The following ZNF490 variants were observed in gnomAD, a reference collection of about 807,000 sequenced individuals.
ZNF490 encodes the protein zinc finger protein 490.
A neutral mutation model predicts 17.7 loss-of-function variants in ZNF490; 11 were observed. The ratio of observed to expected loss-of-function variants is 0.62; its 90% CI spans 0.39 to 1.03. ZNF490 has a LOEUF of 1.03. Ranked by LOEUF, ZNF490 falls within the 50% of genes least tolerant of loss-of-function variation. ZNF490 has a pLI of 0.00. For synonymous variants in ZNF490, 222 were observed against 216.1 expected, an observed-to-expected ratio of 1.03 and a Z score of -0.24; for missense variants, 542 against 643.4, an observed-to-expected ratio of 0.84 and a Z score of 1.71.
intron 2 of ZNF490, among the ~76,000 whole-genome samples, chr19:12,590,250 G>T (rs1318115874): frequency 6.7e-6 from 1 of 148,860 alleles, no homozygotes; most frequent in Non-Finnish European, 1.5e-5. Flanking sequence ...GTTTCGCTCT[G>T]TTGCCCAGGC....
chr19:12,583,479 A>G lies in ZNF490; in HGVS notation c.240T>C (p.Asn80=), dbSNP rs137991417. Reference sequence around the variant, plus strand: ...TTGCCCGCATCACATCTCTGTAGATATTCCTCTGGCCAGGATCCAGCAAAG... The same window carrying G: ...TTGCCCGCATCACATCTCTGTAGATGTTCCTCTGGCCAGGATCCAGCAAAG... ...EWALLDPGQR[N]IYRDVMRATF... is the part of the protein sequence containing the mutation. The change falls in exon 3 of 5, where the codon AAT becomes AAC. Residue 80 remains asparagine, a synonymous_variant. Coordinates refer to ENST00000311437, the MANE Select transcript of ZNF490 (RefSeq NM_020714.3). The G allele has an allele frequency of 1.4e-4, 219 of 1,607,270 alleles. No homozygotes were observed. The East Asian group carries it at 4.1e-3, about 30-fold the overall frequency.
At chr19:12,598,623 C>T (rs28823746) in intron 2 of ZNF490, among the ~76,000 whole-genome samples, 6 of 151,612 alleles carry the variant, frequency 4.0e-5, no homozygotes, top group African/African-American at 1.4e-4. Flanking sequence ...GGGATCTGCC[C>T]GCCTCGGCCT....
intron 2 of ZNF490, chr19:12,597,043 T>C (rs2022942665): frequency 2.2e-6 from 1 of 450,126 alleles, no homozygotes; most frequent in South Asian, 1.5e-5. Context: ...CCCACGCTGC[T>C]GGGAGACCCT....
chr19:12,576,108 T>C lies in ZNF490; in HGVS notation c.*4377A>G, dbSNP rs2022630256. Among the ~76,000 whole-genome samples the C allele has an allele frequency of 6.6e-6, 1 of 152,202 alleles. No homozygotes were observed. Among genetic ancestry groups the C allele is most frequent in the Non-Finnish European group, 1.5e-5 (1 of 68,038 alleles). On this transcript the variant is annotated 3_prime_UTR_variant, in exon 5 of 5. Coordinates refer to ENST00000311437, the MANE Select transcript of ZNF490 (RefSeq NM_020714.3). ...AAAAACTCAATAAAATCTTTGATGG[T>C]GAAAAACCATATTTTTAATATCTAA...
intron 2 of ZNF490, among the ~76,000 whole-genome samples, chr19:12,592,835 A>T (rs1471097085): frequency 6.6e-6 from 1 of 152,192 alleles, no homozygotes; most frequent in Non-Finnish European, 1.5e-5. Flanking sequence ...TTTCTCATCA[A>T]TTTTTCTGTA....
At chr19:12,583,869 G>C (rs1463513582) in intron 2 of ZNF490, among the ~76,000 whole-genome samples, 3 of 141,318 alleles carry the variant, frequency 2.1e-5, no homozygotes, top group Admixed American at 7.5e-5. Flanking sequence ...GGAGTGCAGT[G>C]GCACAATGTC....
rs1180200347 is a variant in ZNF490, at chr19:12,576,860, A to C, written c.*3625T>G. ...AACCTAAAAGCATTCCATATTTAAA[A>C]ATATATATAAATATATATACACACA... On this transcript the variant is annotated 3_prime_UTR_variant, in exon 5 of 5. Transcript: ENST00000311437. Among the ~76,000 whole-genome samples, 1 of 151,052 alleles carries C rather than the reference A, an allele frequency of 6.6e-6. No homozygotes were observed. Among genetic ancestry groups the C allele is most frequent in the African/African-American group, 2.4e-5 (1 of 41,118 alleles).
At chr19:12,602,074 C>CTATATA (rs145824680) in intron 2 of ZNF490, among the ~76,000 whole-genome samples, 2,106 of 131,498 alleles carry the variant, frequency 0.016, 60 homozygotes, top group African/African-American at 0.059. Flanking sequence ...ACTCAGTTCA[C>CTATATA]TATATACACA....
chr19:12,595,734 GAGGTC>G (rs2022924594), intron 2 of ZNF490, among the ~76,000 whole-genome samples: 1 of 151,998 alleles, frequency 6.6e-6, no homozygotes, highest in African/African-American at 2.4e-5. Context: ...TGGATCACCT[GAGGTC>G]AGGAGTTTGA....
intron 2 of ZNF490, among the ~76,000 whole-genome samples, chr19:12,585,207 G>A (rs1449026414): frequency 1.1e-5 from 1 of 93,878 alleles, no homozygotes; most frequent in African/African-American, 3.2e-5. Flanking sequence ...GTCCATATGT[G>A]GGGTACACAG....
At position 12,581,472 on chromosome 19, in the gene ZNF490, T is replaced by C. The variant is rs761174564; in HGVS notation, c.603A>G (p.Lys201=). 2.5e-6 allele frequency: 4 copies of C among 1,614,120 alleles called. No homozygotes were observed. The highest frequency in any genetic ancestry group is 3.4e-6 in the Non-Finnish European group (4 of 1,180,052). ...GAATACTGGAGCTGCGAGTGAAGGT[T>C]TTCCCACATTCTTTGCATTTATGTG... ...EKPHKCKECG[K]TFTRSSSIRT... Residue 201 remains lysine (K), a synonymous_variant, in exon 5 of 5, where the codon AAA becomes AAG. Coordinates refer to ENST00000311437, the MANE Select transcript of ZNF490 (RefSeq NM_020714.3).
At chr19:12,590,447 C>T (rs1254445615) in intron 2 of ZNF490, among the ~76,000 whole-genome samples, 1 of 151,440 alleles carries the variant, frequency 6.6e-6, no homozygotes. Context: ...GAACTCTTGA[C>T]CTCAATGATC....
At position 12,580,788 on chromosome 19, in the gene ZNF490, A is replaced by G; in HGVS notation, c.1287T>C (p.Tyr429=). 1.2e-6 allele frequency: 2 copies of G among 1,614,228 alleles called. No homozygotes were observed. Among genetic ancestry groups the G allele is most frequent in the African/African-American group, 1.3e-5 (1 of 75,058 alleles). Residue 429 remains tyrosine (Y), a synonymous_variant, in exon 5 of 5, where the codon TAT becomes TAC. Transcript: ENST00000311437. ...TTTCATGGATTCGAAAGTGAGTGGA[A>G]TAAAGAAAGGCTTTACCACATTCTT... ...ECKECGKAFL[Y]STHFRIHERT...
chr19:12,584,551 G>A lies in ZNF490; in HGVS notation c.163-995C>T, dbSNP rs531282104. Among the ~76,000 whole-genome samples, 31 of 94,326 alleles carry A rather than the reference G, an allele frequency of 3.3e-4. 8 individuals are homozygous for A. The South Asian group carries it at 8.4e-3, about 26-fold the overall frequency. The allele number at this position is 94,326 out of a possible 152,430, so 61.9% of individuals were successfully genotyped here. ...CAAATTGTAAGATCATCAATTCCTC[G>A]TGAGAAAAACTCTTTCATTTTCTAC... On this transcript the variant is annotated intron_variant, in intron 2 of 4. Transcript: ENST00000311437.
At chr19:12,599,139 C>CAAAAAAA (rs55911311) in intron 2 of ZNF490, among the ~76,000 whole-genome samples, 36 of 68,600 alleles carry the variant, frequency 5.2e-4, no homozygotes, top group East Asian at 2.0e-3. Context: ...GACTCTGTCT[C>CAAAAAAA]AAAAAAAAAA....
At chr19:12,605,770 T>A (rs2023060636) in intron 2 of ZNF490, among the ~76,000 whole-genome samples, 1 of 152,188 alleles carries the variant, frequency 6.6e-6, no homozygotes, top group Non-Finnish European at 1.5e-5. Flanking sequence ...GGTGTCTGCT[T>A]GAGAAGTGGT....
chr19:12,608,273 C>G (rs1055127567), intron 2 of ZNF490, among the ~76,000 whole-genome samples: 7 of 151,992 alleles, frequency 4.6e-5, no homozygotes, highest in Non-Finnish European at 8.8e-5. Flanking sequence ...GTAAACATGA[C>G]TCCAAATTTG....
At chr19:12,609,300 C>T in intron 1 of ZNF490, 98 bp from the exon 2 acceptor site, 2 of 980,278 alleles carry the variant, frequency 2.0e-6, no homozygotes, top group Admixed American at 3.8e-5. Flanking sequence ...CCTGCATCTA[C>T]CTGTACACAC....
chr19:12,610,549 C>T lies in ZNF490; in HGVS notation c.117+15G>A, dbSNP rs778822110. 6.2e-7 allele frequency: 1 copy of T among 1,604,816 alleles called. No individual in the cohort carries two copies. Among genetic ancestry groups the T allele is most frequent in the Non-Finnish European group, 8.5e-7 (1 of 1,171,818 alleles). ...CCACGAGAGGCCTTACAACATTATG[C>T]CAAGCCCCTGGTACCTGGAGGACAT... On this transcript the variant is annotated intron_variant, in intron 1 of 4. Transcript: ENST00000311437.
Sources: allele counts gnomAD v4.1 joint callset (sites outside exome capture counted in the v4.1 genomes callset), GRCh38; gene constraint gnomAD v4.1.1; transcripts MANE v1.5; gene names NCBI Gene and HGNC (gene_info 2026-07-23, HGNC 2026-07-21).